CD36: variants seen among roughly 807,000 people sequenced by gnomAD.
The protein encoded by CD36 is platelet glycoprotein 4.
CD36 carries 119 observed loss-of-function variants against 55.2 expected under a neutral mutation model. That is an observed-to-expected ratio of 2.15 (90% CI 1.86 to 2.51). CD36 has a LOEUF of 2.51. CD36 is among the 30% of genes most tolerant of loss of function. CD36 has a pLI of 0.00. For synonymous variants in CD36, 186 were observed against 193.6 expected (o/e 0.96, Z 0.33); for missense variants, 819 against 555.5 (o/e 1.47, Z -4.77).
At chr7:80,657,876 ATAATT>A (rs1416566547) in intron 4 of CD36, among the ~76,000 whole-genome samples, 1 of 152,204 alleles carries the variant, frequency 6.6e-6, no homozygotes, top group Non-Finnish European at 1.5e-5. Flanking sequence ...ATGATTTTTT[ATAATT>A]TGTAGTTTTA....
At chr7:80,623,000 G>A (rs1793552747) in intron 1 of CD36, among the ~76,000 whole-genome samples, 1 of 61,250 alleles carries the variant, frequency 1.6e-5, no homozygotes. Context: ...ACAGTCCTTG[G>A]TAGACTTTTT....
intron 10 of CD36, 71 bp from the exon 11 acceptor site, chr7:80,671,851 A>G: frequency 7.1e-7 from 1 of 1,403,562 alleles, no homozygotes; most frequent in South Asian, 1.2e-5. Context: ...GTTTTGTGGA[A>G]ATATTTTTTG....
rs1562821861 is a variant in CD36, at chr7:80,671,085, C to G, written c.927C>G (p.Asn309Lys). 2 of 1,612,566 alleles carry G rather than the reference C, an allele frequency of 1.2e-6. No homozygotes were observed. Among genetic ancestry groups the G allele is most frequent in the Non-Finnish European group, 1.7e-6 (2 of 1,178,780 alleles). The change falls in exon 10 of 15, where the codon AAC becomes AAG. Residue 309 changes from asparagine (N) to lysine (K), a missense_variant. Asn to Lys is a moderately conservative substitution (Grantham distance 94, BLOSUM62 0). Transcript: ENST00000447544. The stretch of plus-strand genomic sequence containing the variant: ...CCTCTCCAGTTGAAAACCCAGACAA[C>G]TATTGTTTCTGCACAGAAAAAATTA... ...AFASPVENPD[N>K]YCFCTEKIIS...
chr7:80,664,416 C>T lies in CD36; in HGVS notation c.620C>T (p.Thr207Ile), dbSNP rs768355632. The T allele has an allele frequency of 1.3e-6, 2 of 1,547,516 alleles. No individual in the cohort carries two copies. Among genetic ancestry groups the T allele is most frequent in the African/African-American group, 2.7e-5 (2 of 73,690 alleles). ...ATACATATATTTCAGTACAACAATA[C>T]TGCAGATGGAGTTTATAAAGTTTTC... ...TVGLFYPYNN[T>I]ADGVYKVFNG... Residue 207 changes from threonine to isoleucine, a missense_variant, in exon 7 of 15, where the codon ACT becomes ATT. Physicochemically the swap from Thr to Ile is moderately conservative, Grantham distance 89. Coordinates refer to ENST00000447544, the MANE Select transcript of CD36 (RefSeq NM_001001548.3).
At chr7:80,650,810 G>A (rs1383892922) in intron 3 of CD36, among the ~76,000 whole-genome samples, 2 of 151,698 alleles carry the variant, frequency 1.3e-5, no homozygotes, top group Admixed American at 6.6e-5. Flanking sequence ...TATTTTCAAG[G>A]GATGTCTCTG....
chr7:80,658,519 G>A (rs1796269505), intron 4 of CD36, among the ~76,000 whole-genome samples: 1 of 152,046 alleles, frequency 6.6e-6, no homozygotes, highest in Non-Finnish European at 1.5e-5. Context: ...TTGAGGCAAG[G>A]TCTTGTTCTG....
At chr7:80,648,178 G>A (rs991537785) in intron 3 of CD36, among the ~76,000 whole-genome samples, 2 of 152,082 alleles carry the variant, frequency 1.3e-5, no homozygotes, top group African/African-American at 4.8e-5. Context: ...ACAGGTAATA[G>A]TGAGGTGTGG....
At chr7:80,628,491 G>A (rs758996993) in intron 1 of CD36, among the ~76,000 whole-genome samples, 2 of 152,070 alleles carry the variant, frequency 1.3e-5, no homozygotes, top group Non-Finnish European at 2.9e-5. Flanking sequence ...GTTACATAGA[G>A]TGTAGAAAAC....
chr7:80,672,183 C>T (rs1342762563), intron 11 of CD36, 143 bp downstream of exon 11: 1 of 669,144 alleles, frequency 1.5e-6, no homozygotes, highest in Non-Finnish European at 2.5e-6. Context: ...AAACTTAGGT[C>T]GATTTCTTCC....
intron 4 of CD36, among the ~76,000 whole-genome samples, chr7:80,660,116 T>A (rs2116637575): frequency 6.6e-6 from 1 of 152,286 alleles, no homozygotes; most frequent in East Asian, 1.9e-4. Context: ...ATCTACTCAC[T>A]TCACAGGCAT....
At chr7:80,606,049 C>T (rs1016844274) in intron 1 of CD36, among the ~76,000 whole-genome samples, 1 of 152,130 alleles carries the variant, frequency 6.6e-6, no homozygotes, top group South Asian at 2.1e-4. Context: ...CTGACTCATA[C>T]ATAATAAGCA....
intron 1 of CD36, among the ~76,000 whole-genome samples, chr7:80,632,090 A>G (rs1794103022): frequency 1.3e-5 from 2 of 151,798 alleles, no homozygotes; most frequent in Non-Finnish European, 2.9e-5. Context: ...CCTTCCCTTA[A>G]GGTTTTTGAG....
At chr7:80,608,802 G>A (rs1264197510) in intron 1 of CD36, among the ~76,000 whole-genome samples, 1 of 152,022 alleles carries the variant, frequency 6.6e-6, no homozygotes, top group Non-Finnish European at 1.5e-5. Flanking sequence ...TGAGACTTAC[G>A]ATTTTTTCCT....
At chr7:80,643,987 T>A in intron 1 of CD36, among the ~76,000 whole-genome samples, 1 of 152,168 alleles carries the variant, frequency 6.6e-6, no homozygotes, top group Non-Finnish European at 1.5e-5. Flanking sequence ...CTAAATCTCA[T>A]TATCAGTTCA....
chr7:80,673,272 T>A (rs1006510053), intron 12 of CD36, 83 bp from the exon 13 acceptor site: 2 of 673,564 alleles, frequency 3.0e-6, no homozygotes, highest in Non-Finnish European at 5.1e-6. Flanking sequence ...CAACAGCAAC[T>A]AATTTATGAA....
intron 1 of CD36, among the ~76,000 whole-genome samples, chr7:80,612,091 T>TG (rs1792905865): frequency 1.3e-5 from 2 of 152,234 alleles, no homozygotes; most frequent in African/African-American, 4.8e-5. Context: ...TCCTGGGTGA[T>TG]GGGCTGTTTT....
At chr7:80,670,058 C>G (rs769007679) in intron 9 of CD36, 36 bp downstream of exon 9, 3 of 1,314,050 alleles carry the variant, frequency 2.3e-6, no homozygotes, top group Non-Finnish European at 3.3e-6. Context: ...ATGTCTGAGT[C>G]AGACCCCAGG....
In CD36 at chr7:80,672,791, T is replaced by A. The variant is rs763840954; in HGVS notation, c.1147T>A (p.Phe383Ile). The A allele has an allele frequency of 7.7e-5, 124 of 1,610,162 alleles. No individual in the cohort carries two copies. Among genetic ancestry groups the A allele is most frequent in the Non-Finnish European group, 1.0e-4 (121 of 1,177,718 alleles). ...TTAGATAACTGGATTCACTTTACAATTTGCAAAACGGCTGCAGGTCAACCT... is the reference window on the plus strand; with the variant it reads ...TTAGATAACTGGATTCACTTTACAAATTGCAAAACGGCTGCAGGTCAACCT... ...IEPITGFTLQ[F>I]AKRLQVNLLV... Residue 383 changes from phenylalanine to isoleucine, a missense_variant, in exon 12 of 15, where the codon TTT becomes ATT. Transcript: ENST00000447544.
At chr7:80,605,445 A>G (rs533388747) in intron 1 of CD36, among the ~76,000 whole-genome samples, 3 of 152,222 alleles carry the variant, frequency 2.0e-5, no homozygotes, top group East Asian at 3.9e-4. Flanking sequence ...ACTTTTCCCC[A>G]TGACCCCACA....
Sources: allele counts gnomAD v4.1 joint callset (sites outside exome capture counted in the v4.1 genomes callset), GRCh38; gene constraint gnomAD v4.1.1; transcripts MANE v1.5; gene names NCBI Gene and HGNC (gene_info 2026-07-23, HGNC 2026-07-21).